The following QRICH1 variants were observed in gnomAD, a reference collection of about 807,000 sequenced individuals.
QRICH1 encodes the protein glutamine rich 1, also known as transcriptional regulator QRICH1.
A neutral mutation model predicts 87.1 loss-of-function variants in QRICH1; 16 were observed. The ratio of observed to expected loss-of-function variants is 0.18; its 90% CI spans 0.12 to 0.28. QRICH1 has a LOEUF of 0.28. Ranked by LOEUF, QRICH1 falls within the 10% of genes least tolerant of loss-of-function variation. The probability of loss-of-function intolerance (pLI) is 1.00; values close to 1 mark genes in which losing one functional copy is unlikely to be tolerated. For missense variants in QRICH1, 647 were observed against 951.7 expected (o/e 0.68, Z 4.21); for synonymous variants, 367 against 368.4 (o/e 1.00, Z 0.05).
At chr3:49,056,787 T>G in intron 3 of QRICH1, 75 bp downstream of exon 3, 1 of 1,603,562 alleles carries the variant, frequency 6.2e-7, no homozygotes, top group Non-Finnish European at 8.5e-7. Context: ...AAGCCAGAGG[T>G]TGCGAGGCAA....
At chr3:49,062,017 A>C (rs2093437846) in intron 2 of QRICH1, among the ~76,000 whole-genome samples, 1 of 152,132 alleles carries the variant, frequency 6.6e-6, no homozygotes, top group African/African-American at 2.4e-5. Flanking sequence ...GATATAGACA[A>C]CTTGAAACTG....
intron 1 of QRICH1, among the ~76,000 whole-genome samples, chr3:49,092,079 A>G (rs892128702): frequency 1.3e-5 from 2 of 152,134 alleles, no homozygotes; most frequent in African/African-American, 4.8e-5. Flanking sequence ...CTCAAAAAAA[A>G]AAAAAAAGTC....
chr3:49,086,410 C>A (rs9853661), intron 1 of QRICH1, among the ~76,000 whole-genome samples: 1 of 151,958 alleles, frequency 6.6e-6, no homozygotes, highest in Admixed American at 6.6e-5. Flanking sequence ...GCACCCACCA[C>A]CACGCCCGGC....
chr3:49,093,778 G>C (rs2042326679), intron 1 of QRICH1, 134 bp downstream of exon 1: 1 of 349,060 alleles, frequency 2.9e-6, no homozygotes, highest in Admixed American at 4.8e-5. Context: ...AACGTTTTCG[G>C]CTCCGGAGCC....
chr3:49,031,425 C>T (rs975562328), intron 9 of QRICH1, among the ~76,000 whole-genome samples: 1 of 152,126 alleles, frequency 6.6e-6, no homozygotes, highest in Admixed American at 6.6e-5. Flanking sequence ...ATTCATCCAT[C>T]CATTCAAGAT....
intron 2 of QRICH1, among the ~76,000 whole-genome samples, chr3:49,075,855 T>C (rs945526813): frequency 6.6e-6 from 1 of 151,980 alleles, no homozygotes; most frequent in Non-Finnish European, 1.5e-5. Context: ...GGCATGAGAA[T>C]AGCTTGAACC....
intron 1 of QRICH1, among the ~76,000 whole-genome samples, chr3:49,077,262 C>A (rs1210721340): frequency 6.6e-6 from 1 of 151,946 alleles, no homozygotes; most frequent in Non-Finnish European, 1.5e-5. Flanking sequence ...AACAAAAAAA[C>A]AAACACATGC....
rs1300702220 is a variant in QRICH1 at position 49,032,662 on chromosome 3, C to T, written c.2007G>A (p.Arg669=). The change falls in exon 8 of 10, where the codon CGG becomes CGA. Residue 669 remains arginine (R), a synonymous_variant. Transcript: ENST00000395443. ...GGTGTATTCCAAGGGCCTTCAAGTA[C>T]CGGATACTCGTGCTTTTATCCTTGG... ...SNPKDKSTSI[R]YLKALGIHQT... 3.7e-6 allele frequency: 6 copies of T among 1,610,512 alleles called. No homozygotes were observed. The highest frequency in any genetic ancestry group is 2.2e-5 in the East Asian group (1 of 44,794).
intron 9 of QRICH1, 78 bp from the exon 10 acceptor site, chr3:49,030,722 C>T: frequency 7.7e-7 from 1 of 1,293,246 alleles, no homozygotes; most frequent in Non-Finnish European, 1.0e-6. Flanking sequence ...CAGACAGATG[C>T]TGTCTGCAAA....
At chr3:49,046,395 A>C in intron 5 of QRICH1, 30 bp downstream of exon 5, 1 of 1,598,408 alleles carries the variant, frequency 6.3e-7, no homozygotes, top group East Asian at 2.2e-5. Flanking sequence ...ACACAGCTCA[A>C]ACATGTTCTT....
At chr3:49,060,896 T>C (rs1183938493) in intron 2 of QRICH1, among the ~76,000 whole-genome samples, 1 of 151,728 alleles carries the variant, frequency 6.6e-6, no homozygotes, top group Non-Finnish European at 1.5e-5. Context: ...TTTGGGAGGC[T>C]GAGGAGGGCA....
intron 9 of QRICH1, among the ~76,000 whole-genome samples, chr3:49,031,015 T>C (rs2106804846): frequency 6.8e-6 from 1 of 147,790 alleles, no homozygotes; most frequent in African/African-American, 2.5e-5. Flanking sequence ...TTTTTTGAGA[T>C]GGCGTCTTGT....
chr3:49,094,309 G>C (rs571808491), upstream of QRICH1: 3 of 349,218 alleles, frequency 8.6e-6, no homozygotes, highest in Admixed American at 4.8e-5. Flanking sequence ...CGGAAGGCTA[G>C]GGCTCCAAGC....
intron 3 of QRICH1, among the ~76,000 whole-genome samples, chr3:49,049,430 G>A (rs1575338400): frequency 6.6e-6 from 1 of 151,940 alleles, no homozygotes; most frequent in African/African-American, 2.4e-5. Flanking sequence ...GGGTGACACA[G>A]AAAGATTCTG....
Position 49,088,174 on chromosome 3 carries a change from C to T in QRICH1, c.-22+5738G>A, listed in dbSNP as rs1055962543. ...TTCACCGTGCTAGCCAGGATGCTCTCGATCTCCTGACCTCATGATCTGCCC... is the reference window on the plus strand; with the variant it reads ...TTCACCGTGCTAGCCAGGATGCTCTTGATCTCCTGACCTCATGATCTGCCC... On this transcript the variant is annotated intron_variant, in intron 1 of 9. Coordinates refer to ENST00000395443, the MANE Select transcript of QRICH1 (RefSeq NM_198880.3). Among the ~76,000 whole-genome samples the T allele has an allele frequency of 9.9e-5, 15 of 152,184 alleles. No homozygotes were observed. In the East Asian group the frequency reaches 2.1e-3, roughly 22 times the overall value.
chr3:49,038,261 C>T (rs934914987), intron 6 of QRICH1, among the ~76,000 whole-genome samples: 3 of 151,312 alleles, frequency 2.0e-5, no homozygotes, highest in East Asian at 3.9e-4. Flanking sequence ...CAGGGCTTCA[C>T]CGTGTTAGCC....
chr3:49,068,769 C>T (rs2093483164), intron 2 of QRICH1, among the ~76,000 whole-genome samples: 1 of 151,706 alleles, frequency 6.6e-6, no homozygotes, highest in Admixed American at 6.6e-5. Flanking sequence ...GCTGGGATCA[C>T]AGTCATGCAC....
At chr3:49,078,442 T>G (rs1185376675) in intron 1 of QRICH1, among the ~76,000 whole-genome samples, 1 of 128,114 alleles carries the variant, frequency 7.8e-6, no homozygotes, top group Non-Finnish European at 1.6e-5. Flanking sequence ...TTGCCCAGGC[T>G]GGAGTGCAGT....
intron 2 of QRICH1, among the ~76,000 whole-genome samples, chr3:49,073,540 GAA>G (rs201387573): frequency 3.2e-5 from 4 of 126,794 alleles, no homozygotes; most frequent in Admixed American, 8.0e-5. Context: ...ACTCCATCTC[GAA>G]AAAAAAAAAA....
Sources: allele counts gnomAD v4.1 joint callset (sites outside exome capture counted in the v4.1 genomes callset), GRCh38; gene constraint gnomAD v4.1.1; transcripts MANE v1.5; gene names NCBI Gene and HGNC (gene_info 2026-07-23, HGNC 2026-07-21).